PIEZO2: variants seen among roughly 807,000 people sequenced by gnomAD.
PIEZO2 encodes piezo type mechanosensitive ion channel component 2.
PIEZO2 carries 172 observed loss-of-function variants against 337.3 expected under a neutral mutation model. The ratio of observed to expected loss-of-function variants is 0.51; its 90% CI spans 0.45 to 0.58. PIEZO2 has a LOEUF of 0.58. Among genes scored for constraint, PIEZO2 ranks in the 20% least tolerant of loss-of-function variants. The pLI is 0.00. For synonymous variants in PIEZO2, 1,251 were observed against 1,228.5 expected, an observed-to-expected ratio of 1.02 and a Z score of -0.38; for missense variants, 3,028 against 3,391.3, an observed-to-expected ratio of 0.89 and a Z score of 2.66.
intron 4 of PIEZO2, among the ~76,000 whole-genome samples, chr18:10,896,828 C>T (rs1159457669): frequency 6.6e-6 from 1 of 152,168 alleles, no homozygotes; most frequent in Non-Finnish European, 1.5e-5. Context: ...AAGAAGGTTC[C>T]TGTTGGTTCA....
intron 4 of PIEZO2, among the ~76,000 whole-genome samples, chr18:10,901,798 C>T (rs2043055336): frequency 6.6e-6 from 1 of 152,036 alleles, no homozygotes; most frequent in Non-Finnish European, 1.5e-5. Context: ...ACAACTTCAT[C>T]TGATTGAATC....
At chr18:10,957,798 C>A (rs913262297) in intron 3 of PIEZO2, among the ~76,000 whole-genome samples, 1 of 152,248 alleles carries the variant, frequency 6.6e-6, no homozygotes, top group African/African-American at 2.4e-5. Flanking sequence ...AAAATACATA[C>A]GGAATTCAAG....
intron 48 of PIEZO2, among the ~76,000 whole-genome samples, chr18:10,691,003 C>T (rs1241812505): frequency 2.0e-5 from 3 of 152,144 alleles, no homozygotes; most frequent in Non-Finnish European, 4.4e-5. Flanking sequence ...TACTAACCCA[C>T]GTGGATGAAT....
Position 10,766,128 on chromosome 18 carries a change from G to A in PIEZO2, c.2947-3030C>T, listed in dbSNP as rs1029746578. Reference sequence around the variant, plus strand: ...TCAAGCCCAGTGCAAACCTCAGTGCGCCTTGCCCTCTCACAGTTCTGTTAT... The same window carrying A: ...TCAAGCCCAGTGCAAACCTCAGTGCACCTTGCCCTCTCACAGTTCTGTTAT... On this transcript the variant is annotated intron_variant, in intron 21 of 55. Transcript: ENST00000674853. This position sits in a 1 kb window ranked among gnomAD's most constrained non-coding sequence, Gnocchi z 6.1. Among the ~76,000 whole-genome samples, 4 of 152,158 alleles carry A rather than the reference G, an allele frequency of 2.6e-5. No homozygotes were observed. The highest frequency in any genetic ancestry group is 3.9e-4 in the East Asian group (2 of 5,158).
chr18:11,046,299 A>G (rs771835502), intron 2 of PIEZO2, among the ~76,000 whole-genome samples: 2 of 152,230 alleles, frequency 1.3e-5, no homozygotes, highest in Non-Finnish European at 2.9e-5. Flanking sequence ...CAGCCCAATC[A>G]GCACCTTCTC....
intron 35 of PIEZO2, among the ~76,000 whole-genome samples, chr18:10,732,867 A>AATC (rs1390999879): frequency 6.6e-6 from 1 of 152,202 alleles, no homozygotes; most frequent in Non-Finnish European, 1.5e-5. Flanking sequence ...GCTTTAAAAT[A>AATC]ATCTGATTAC....
At chr18:10,926,487 C>A (rs2031748341) in intron 3 of PIEZO2, among the ~76,000 whole-genome samples, 1 of 152,120 alleles carries the variant, frequency 6.6e-6, no homozygotes, top group African/African-American at 2.4e-5. Flanking sequence ...AAAATAGGAG[C>A]CTATGAAAAT....
rs557207567 is a variant in PIEZO2, at chr18:10,800,204, A to G, written c.1378+133T>C. ...TGGGGCAAAATGCAGGCAGAACTTA[A>G]AGAAGTGAGGTTAATGACACTGACA... On this transcript the variant is annotated intron_variant, in intron 11 of 55. Coordinates refer to ENST00000674853, the MANE Select transcript of PIEZO2 (RefSeq NM_001378183.1). 1.5e-4 allele frequency: 184 copies of G among 1,259,176 alleles called. 2 individuals carry two copies. The South Asian group carries it at 2.9e-3, about 20-fold the overall frequency. The allele number at this position is 1,259,176 out of a possible 1,614,324, so 78.0% of individuals were successfully genotyped here.
chr18:10,853,849 A>G lies in PIEZO2; in HGVS notation c.917+1504T>C, dbSNP rs2041624618. 6.6e-6 allele frequency among the ~76,000 whole-genome samples: 1 copy of G among 152,238 alleles called. No homozygotes were observed. Among genetic ancestry groups the G allele is most frequent in the Admixed American group, 6.5e-5 (1 of 15,292 alleles). On this transcript the variant is annotated intron_variant, in intron 7 of 55. Transcript: ENST00000674853. The surrounding 1 kb of genome is among the most constrained non-coding windows in gnomAD (Gnocchi z 4.2). ...ATGGCATTTTTCTGTCTACCCACAA[A>G]ACCATCATACACCTAAGAAATCAGC...
chr18:10,692,328 T>C (rs1000722496), intron 47 of PIEZO2, among the ~76,000 whole-genome samples: 10 of 152,362 alleles, frequency 6.6e-5, no homozygotes, highest in African/African-American at 2.2e-4. Context: ...AAGAAAACTT[T>C]TGACTTGGTA....
At position 11,052,690 on chromosome 18, in the gene PIEZO2, T is replaced by C. The variant is rs142808204; in HGVS notation, c.160+13437A>G. 7.4e-3 allele frequency among the ~76,000 whole-genome samples: 1,120 copies of C among 152,322 alleles called. 19 individuals carry two copies. The highest frequency in any genetic ancestry group is 0.024 in the African/African-American group (981 of 41,576). ...ATTAAGAGCAGTGTTTTTCTCCACC[T>C]TTTTTATCCTCTACAAATCCAAATA... On this transcript the variant is annotated intron_variant, in intron 2 of 55. Transcript: ENST00000674853.
Position 11,038,891 on chromosome 18 carries a change from TAAA to T in PIEZO2, c.160+27233_160+27235del, listed in dbSNP as rs1325110611. Among the ~76,000 whole-genome samples the T allele has an allele frequency of 6.6e-6, 1 of 152,166 alleles. No individual in the cohort carries two copies. Among genetic ancestry groups the T allele is most frequent in the Non-Finnish European group, 1.5e-5 (1 of 68,024 alleles). ...TCCAATGTTTCCAACCTCTTTAAGA[TAAA>T]AAAGAAGACAGTAAGAATCATGATT... On this transcript the variant is annotated intron_variant, in intron 2 of 55. Coordinates refer to ENST00000674853, the MANE Select transcript of PIEZO2 (RefSeq NM_001378183.1). The surrounding 1 kb of genome is among the most constrained non-coding windows in gnomAD (Gnocchi z 4.1).
chr18:10,695,214 G>T (rs2035028961), intron 47 of PIEZO2, among the ~76,000 whole-genome samples: 2 of 152,222 alleles, frequency 1.3e-5, no homozygotes, highest in Admixed American at 6.5e-5. Context: ...TTGCCTGGAG[G>T]CGTGAGGTGG....
At position 11,148,720 on chromosome 18, in the gene PIEZO2, G is replaced by T; in HGVS notation, c.-132C>A. ...GCAGCCACCCGAGCATCGCCTCGGCGCGGGCCGCGACGCTCTCCGCCCCGA... is the reference window on the plus strand; with the variant it reads ...GCAGCCACCCGAGCATCGCCTCGGCTCGGGCCGCGACGCTCTCCGCCCCGA... On this transcript the variant is annotated 5_prime_UTR_variant, in exon 1 of 56. Transcript: ENST00000674853. This position sits in a 1 kb window ranked among gnomAD's most constrained non-coding sequence, Gnocchi z 5.2. The T allele has an allele frequency of 1.0e-6, 1 of 970,750 alleles. No individual in the cohort carries two copies. Among genetic ancestry groups the T allele is most frequent in the Non-Finnish European group, 1.5e-6 (1 of 659,610 alleles). 60.1% of individuals were successfully genotyped at this position (970,750 alleles called of 1,614,324 possible). A position where few individuals can be genotyped will look rare whatever the true frequency, so the allele number is the denominator to read the frequency against.
At chr18:10,848,309 A>G (rs2041427366) in intron 7 of PIEZO2, among the ~76,000 whole-genome samples, 1 of 152,254 alleles carries the variant, frequency 6.6e-6, no homozygotes, top group African/African-American at 2.4e-5. Context: ...ATAAGAAAGT[A>G]TAAACATAAA....
intron 2 of PIEZO2, among the ~76,000 whole-genome samples, chr18:11,010,741 A>G (rs2145654692): frequency 6.6e-6 from 1 of 152,352 alleles, no homozygotes; most frequent in African/African-American, 2.4e-5. Flanking sequence ...ATCCGAGTAT[A>G]TCAAGCCATT....
chr18:11,013,735 T>G (rs570842148), intron 2 of PIEZO2, among the ~76,000 whole-genome samples: 1 of 152,318 alleles, frequency 6.6e-6, no homozygotes, highest in Non-Finnish European at 1.5e-5. Flanking sequence ...CTGGATGGTC[T>G]CATGTGAGAC....
chr18:10,991,393 C>T (rs1236045459), intron 2 of PIEZO2, among the ~76,000 whole-genome samples: 3 of 149,624 alleles, frequency 2.0e-5, no homozygotes, highest in South Asian at 4.4e-4. Context: ...CCCCCACCCC[C>T]CGACAGGCCC....
chr18:11,138,805 G>A (rs149116509), intron 1 of PIEZO2, among the ~76,000 whole-genome samples: 6 of 152,292 alleles, frequency 3.9e-5, no homozygotes, highest in African/African-American at 1.4e-4. Context: ...GCCTGGGAAG[G>A]AGAATTAAAG....
Sources: allele counts gnomAD v4.1 joint callset (sites outside exome capture counted in the v4.1 genomes callset), GRCh38; gene constraint gnomAD v4.1.1; non-coding constraint Gnocchi (gnomAD v3.1); transcripts MANE v1.5; gene names NCBI Gene and HGNC (gene_info 2026-07-23, HGNC 2026-07-21).